CRACR2A: variants seen among roughly 807,000 people sequenced by gnomAD.
CRACR2A encodes EF-hand calcium-binding domain-containing protein 4B.
CRACR2A carries 79 observed loss-of-function variants against 90.5 expected under a neutral mutation model. The ratio of observed to expected loss-of-function variants is 0.87; its 90% CI spans 0.73 to 1.05. The LOEUF is 1.05. Among genes scored for constraint, CRACR2A ranks in the 50% least tolerant of loss-of-function variants. CRACR2A has a pLI of 0.00. For synonymous variants in CRACR2A, 338 were observed against 356.7 expected (o/e 0.95, Z 0.59); for missense variants, 823 against 897.2 (o/e 0.92, Z 1.06).
chr12:3,669,514 C>T lies in CRACR2A; in HGVS notation c.671+3932G>A, dbSNP rs74055964. Reference sequence around the variant, plus strand: ...TAGAGGCCCACAAGGGGCTCAAATCCGAAATTTCTTCAACCTCTGTGCAAA... The same window carrying T: ...TAGAGGCCCACAAGGGGCTCAAATCTGAAATTTCTTCAACCTCTGTGCAAA... On this transcript the variant is annotated intron_variant, in intron 7 of 19. Coordinates refer to ENST00000440314, the MANE Select transcript of CRACR2A (RefSeq NM_001144958.2). Among the ~76,000 whole-genome samples the T allele has an allele frequency of 3.9e-3, 568 of 144,276 alleles. 8 individuals carry two copies. The highest frequency in any genetic ancestry group is 0.013 in the African/African-American group (547 of 41,328). 94.7% of individuals were successfully genotyped at this position (144,276 alleles called of 152,430 possible).
At chr12:3,621,521 G>GGT (rs1292463398) in intron 17 of CRACR2A, among the ~76,000 whole-genome samples, 5 of 149,816 alleles carry the variant, frequency 3.3e-5, no homozygotes, top group Non-Finnish European at 1.5e-5. Context: ...GTGTGGTGGT[G>GGT]GGCACCTGTA....
intron 2 of CRACR2A, chr12:3,730,003 G>A (rs2137849998): frequency 6.6e-6 from 1 of 152,352 alleles, no homozygotes; most frequent in South Asian, 2.1e-4. Context: ...CAAGAAGAGA[G>A]CAGAGTTCTT....
At chr12:3,745,172 C>T (rs905622247) in intron 1 of CRACR2A, among the ~76,000 whole-genome samples, 9 of 152,192 alleles carry the variant, frequency 5.9e-5, no homozygotes, top group East Asian at 1.9e-4. Flanking sequence ...GATCTGTATC[C>T]GGGGTGTCTG....
intron 17 of CRACR2A, among the ~76,000 whole-genome samples, chr12:3,624,825 C>G (rs1027346904): frequency 6.6e-6 from 1 of 152,246 alleles, no homozygotes; most frequent in Non-Finnish European, 1.5e-5. Context: ...GCAGAGACTG[C>G]ATTTTAAGAA....
chr12:3,744,905 G>A (rs955448406), intron 1 of CRACR2A, among the ~76,000 whole-genome samples: 12 of 152,086 alleles, frequency 7.9e-5, no homozygotes, highest in African/African-American at 1.9e-4. Flanking sequence ...CTGCCACTGC[G>A]CAGTATACTT....
At chr12:3,619,976 T>C (rs1216638040) in intron 17 of CRACR2A, among the ~76,000 whole-genome samples, 1 of 152,262 alleles carries the variant, frequency 6.6e-6, no homozygotes, top group Admixed American at 6.5e-5. Flanking sequence ...CAGACCCCTG[T>C]CACTGGGCGC....
chr12:3,716,684 C>A (rs145740805), intron 2 of CRACR2A, among the ~76,000 whole-genome samples: 11 of 152,284 alleles, frequency 7.2e-5, no homozygotes, highest in Admixed American at 2.6e-4. Context: ...TTTTGGGGGG[C>A]ATTGTCCCCA....
chr12:3,704,101 C>T (rs948815297), intron 3 of CRACR2A, among the ~76,000 whole-genome samples: 2 of 152,196 alleles, frequency 1.3e-5, no homozygotes, highest in Admixed American at 1.3e-4. Context: ...TGTGTACATA[C>T]AAAGACTTGT....
Position 3,746,196 on chromosome 12 carries a change from A to T in CRACR2A, c.-387+6819T>A, listed in dbSNP as rs1381876870. The stretch of plus-strand genomic sequence containing the variant: ...CATATCATCTCCTGCTATGAGCTAA[A>T]TTATGTCCCCCCGACAATTCATATG... On this transcript the variant is annotated intron_variant, in intron 1 of 19. Coordinates refer to ENST00000440314, the MANE Select transcript of CRACR2A (RefSeq NM_001144958.2). This position sits in a 1 kb window ranked among gnomAD's most constrained non-coding sequence, Gnocchi z 4.4. Among the ~76,000 whole-genome samples, 1 of 152,200 alleles carries T rather than the reference A, an allele frequency of 6.6e-6. No individual in the cohort carries two copies. Among genetic ancestry groups the T allele is most frequent in the East Asian group, 1.9e-4 (1 of 5,198 alleles).
intron 7 of CRACR2A, among the ~76,000 whole-genome samples, chr12:3,663,265 A>C (rs538874161): frequency 7.9e-5 from 12 of 152,090 alleles, no homozygotes; most frequent in African/African-American, 2.4e-4. Context: ...ACTAGATACC[A>C]TGGGAGTTAA....
chr12:3,618,365 A>C (rs1185707091), intron 18 of CRACR2A, among the ~76,000 whole-genome samples: 1 of 152,128 alleles, frequency 6.6e-6, no homozygotes, highest in Admixed American at 6.5e-5. Context: ...TTGACTATTC[A>C]CTCAAAGTGA....
chr12:3,734,838 C>T (rs991793348), intron 1 of CRACR2A, among the ~76,000 whole-genome samples: 2 of 152,000 alleles, frequency 1.3e-5, no homozygotes, highest in Non-Finnish European at 2.9e-5. Flanking sequence ...AAACAGAGGG[C>T]AGAACGGTGG....
In CRACR2A at chr12:3,616,948, CT is replaced by C. The variant is rs1450509421; in HGVS notation, c.2111+5del. The C allele has an allele frequency of 1.3e-6, 2 of 1,549,876 alleles. No homozygotes were observed. The highest frequency in any genetic ancestry group is 2.7e-5 in the African/African-American group (2 of 73,000). ...GTTACTGCACCTGGGGAGCACATCT[CT>C]TTACCTGGCCAGATGGAGCAGGGAC... On this transcript the variant is annotated splice_donor_5th_base_variant and intron_variant, in intron 19 of 19. Transcript: ENST00000440314.
At chr12:3,735,327 C>A (rs1323206103) in intron 1 of CRACR2A, among the ~76,000 whole-genome samples, 1 of 152,082 alleles carries the variant, frequency 6.6e-6, no homozygotes, top group Non-Finnish European at 1.5e-5. Context: ...CCTGTGTGGG[C>A]ACAAAGAAGG....
intron 17 of CRACR2A, among the ~76,000 whole-genome samples, chr12:3,621,396 CTTTT>C (rs796347863): frequency 3.0e-5 from 4 of 133,870 alleles, no homozygotes; most frequent in Non-Finnish European, 1.6e-5. Flanking sequence ...CAGGTTTCTT[CTTTT>C]TTTTTTTTTT....
intron 10 of CRACR2A, 90 bp downstream of exon 10, chr12:3,654,122 G>T: frequency 6.8e-7 from 1 of 1,470,816 alleles, no homozygotes; most frequent in South Asian, 1.2e-5. Flanking sequence ...CACAGGCAAG[G>T]AGACAGGGTC....
intron 3 of CRACR2A, among the ~76,000 whole-genome samples, chr12:3,708,477 T>C (rs1344262298): frequency 1.3e-5 from 2 of 152,190 alleles, no homozygotes; most frequent in Admixed American, 6.5e-5. Context: ...CAGGCTGGAG[T>C]GCAGTGGCGC....
intron 3 of CRACR2A, among the ~76,000 whole-genome samples, chr12:3,705,442 T>G (rs930143183): frequency 2.6e-5 from 4 of 152,204 alleles, no homozygotes; most frequent in African/African-American, 9.7e-5. Context: ...GGTATCTCCT[T>G]CCACACCACA....
intron 2 of CRACR2A, chr12:3,726,642 G>C (rs1234363525): frequency 6.6e-6 from 1 of 151,990 alleles, no homozygotes. Flanking sequence ...AATTACAAAT[G>C]TGCAAGCAGA....
Sources: allele counts gnomAD v4.1 joint callset (sites outside exome capture counted in the v4.1 genomes callset), GRCh38; gene constraint gnomAD v4.1.1; non-coding constraint Gnocchi (gnomAD v3.1); transcripts MANE v1.5; gene names NCBI Gene and HGNC (gene_info 2026-07-23, HGNC 2026-07-21).